Variants in GLT1D1 observed in about 807,000 individuals in gnomAD.
GLT1D1 encodes the protein glycosyltransferase 1 domain containing 1, also known as glycosyltransferase 1 domain-containing protein 1.
Under a neutral mutation model 28.7 loss-of-function variants are expected in GLT1D1, and 21 were observed. That is an observed-to-expected ratio of 0.73 (90% CI 0.52 to 1.05). The LOEUF is 1.05. GLT1D1 is among the 50% of genes least tolerant of loss of function. GLT1D1 has a pLI of 0.00. For synonymous variants in GLT1D1, 147 were observed against 124.8 expected (o/e 1.18, Z -1.19); for missense variants, 343 against 330.6 (o/e 1.04, Z -0.29).
intron 6 of GLT1D1, among the ~76,000 whole-genome samples, chr12:128,954,288 A>ATTT (rs34911662): frequency 0.24 from 32,621 of 138,664 alleles, 4,748 homozygotes; most frequent in Non-Finnish European, 0.34. Context: ...CACCCGGCTA[A>ATTT]TTTTTTTTTT....
intron 3 of GLT1D1, among the ~76,000 whole-genome samples, chr12:128,892,612 G>A (rs1383269144): frequency 6.6e-6 from 1 of 152,174 alleles, no homozygotes; most frequent in East Asian, 1.9e-4. Flanking sequence ...CAGGAAAGCT[G>A]CATGGATCAG....
At chr12:128,876,110 C>A in intron 2 of GLT1D1, 48 bp downstream of exon 2, 1 of 1,542,906 alleles carries the variant, frequency 6.5e-7, no homozygotes, top group Non-Finnish European at 8.8e-7. Context: ...TTCTGAAAAC[C>A]GGAAGTGCCT....
At chr12:128,915,101 G>C (rs1013140668) in intron 4 of GLT1D1, 112 bp downstream of exon 6, 4 of 802,752 alleles carry the variant, frequency 5.0e-6, no homozygotes, top group Non-Finnish European at 8.0e-6. Flanking sequence ...GAGAGAACAA[G>C]GTTCATTTCC....
Position 128,888,656 on chromosome 12 carries a change from G to A in GLT1D1, c.235G>A (p.Gly79Arg). 6.2e-7 allele frequency: 1 copy of A among 1,612,786 alleles called. No homozygotes were observed. Among genetic ancestry groups the A allele is most frequent in the Non-Finnish European group, 8.5e-7 (1 of 1,178,952 alleles). ...TTTTGCAGGCCACCGAATCCCTTTT[G>A]GAGTCATCTTTGGTGGAACTGATGT... is the stretch of plus-strand genomic sequence containing the variant. The change falls in exon 3 of 8, where the codon GGA becomes AGA. Residue 79 changes from glycine to arginine, a missense_variant. Coordinates refer to ENST00000281703, the MANE Select transcript of GLT1D1 (RefSeq NM_144669.3).
chr12:128,886,538 G>C (rs753271764), intron 2 of GLT1D1, among the ~76,000 whole-genome samples: 7 of 152,120 alleles, frequency 4.6e-5, no homozygotes, highest in Non-Finnish European at 1.0e-4. Context: ...GAGGCTCTTG[G>C]GGAGAATCTG....
intron 7 of GLT1D1, among the ~76,000 whole-genome samples, chr12:128,975,789 C>T (rs919642827): frequency 2.0e-5 from 3 of 152,130 alleles, no homozygotes; most frequent in African/African-American, 7.2e-5. Flanking sequence ...TTAAAGTGAG[C>T]CCCTAACTGT....
intron 4 of GLT1D1, 35 bp downstream of exon 7, chr12:128,926,489 A>T: frequency 8.6e-7 from 1 of 1,156,366 alleles, no homozygotes; most frequent in Non-Finnish European, 1.2e-6. Flanking sequence ...CACTGTTTAT[A>T]GAATTCCTTG....
intron 3 of GLT1D1, 100 bp from the exon 4 acceptor site, chr12:128,899,136 T>C: frequency 1.2e-6 from 1 of 812,140 alleles, no homozygotes; most frequent in South Asian, 1.5e-5. Context: ...AAATTTAGTG[T>C]CTCACGTTGT....
intron 4 of GLT1D1, among the ~76,000 whole-genome samples, chr12:128,919,991 C>A (rs1341129030): frequency 7.9e-4 from 7 of 8,858 alleles, no homozygotes; most frequent in African/African-American, 1.2e-3. Flanking sequence ...CTCTCTCTCT[C>A]CCCCTCCATC....
chr12:128,948,927 A>G (rs1008651279), intron 6 of GLT1D1, among the ~76,000 whole-genome samples: 1 of 152,250 alleles, frequency 6.6e-6, no homozygotes, highest in African/African-American at 2.4e-5. Context: ...GTCCGTGCCC[A>G]TGAATCTGCT....
At chr12:128,918,594 C>T (rs1025418620) in intron 4 of GLT1D1, among the ~76,000 whole-genome samples, 1 of 152,288 alleles carries the variant, frequency 6.6e-6, no homozygotes, top group African/African-American at 2.4e-5. Context: ...AAATAATTTT[C>T]GTAGTGTATT....
At chr12:128,905,396 C>T (rs1870748929) in intron 4 of GLT1D1, among the ~76,000 whole-genome samples, 1 of 152,190 alleles carries the variant, frequency 6.6e-6, no homozygotes, top group Non-Finnish European at 1.5e-5. Flanking sequence ...CTGAAACTTA[C>T]TCACACGATA....
chr12:128,937,457 C>T (rs1286934378), intron 4 of GLT1D1, among the ~76,000 whole-genome samples: 2 of 152,086 alleles, frequency 1.3e-5, no homozygotes. Context: ...GAGGTGTTAC[C>T]ATAGCGTGGG....
rs866849578 is a variant in GLT1D1, at chr12:128,931,745, C to T, written c.376-13581C>T. 2.6e-5 allele frequency among the ~76,000 whole-genome samples: 4 copies of T among 152,234 alleles called. No homozygotes were observed. In the East Asian group the frequency reaches 7.7e-4, roughly 29 times the overall value. ...GTTAGGAATCTTGTCCCTGCAGGGC[C>T]GGGAGCTGACTCTGCAGGAGAAGCC... On this transcript the variant is annotated intron_variant, in intron 4 of 7. Transcript: ENST00000281703.
At chr12:128,968,695 C>A (rs986711138) in intron 7 of GLT1D1, among the ~76,000 whole-genome samples, 1 of 152,066 alleles carries the variant, frequency 6.6e-6, no homozygotes, top group Non-Finnish European at 1.5e-5. Context: ...CAGATGTAAA[C>A]CTCACCCGAG....
At chr12:128,957,025 G>A (rs532348883) in intron 6 of GLT1D1, among the ~76,000 whole-genome samples, 2 of 152,368 alleles carry the variant, frequency 1.3e-5, no homozygotes, top group South Asian at 2.1e-4. Context: ...AGGCTGTGGG[G>A]CATCAGGCAC....
chr12:128,976,115 C>T (rs1260392551), intron 7 of GLT1D1, among the ~76,000 whole-genome samples: 3 of 152,228 alleles, frequency 2.0e-5, no homozygotes, highest in African/African-American at 4.8e-5. Flanking sequence ...GCACGTTCCT[C>T]TTCTAGGCAT....
chr12:128,911,318 C>T (rs532063316), intron 4 of GLT1D1, among the ~76,000 whole-genome samples: 150 of 152,318 alleles, frequency 9.8e-4, no homozygotes, highest in African/African-American at 3.6e-3. Context: ...TTGATTGTCT[C>T]GCCCTTGGCA....
rs1355714969 is a variant in GLT1D1, at chr12:128,875,934, G to C, written c.89G>C (p.Gly30Ala). 6.2e-7 allele frequency: 1 copy of C among 1,613,908 alleles called. No homozygotes were observed. Among genetic ancestry groups the C allele is most frequent in the Admixed American group, 1.7e-5 (1 of 59,986 alleles). ...TAAAGGGCCCATCTAGAGGCTGCAG[G>C]GCACGTGTGCGTTTTGAAGGATGCC... Residue 30 changes from glycine (G) to alanine (A), a missense_variant, in exon 2 of 8, where the codon GGG becomes GCG. Transcript: ENST00000281703.
Sources: gnomAD v4.1 joint callset for allele counts (sites outside exome capture counted in the v4.1 genomes callset) on GRCh38, gnomAD v4.1.1 for gene constraint, MANE v1.5 for transcripts, NCBI Gene and HGNC (gene_info 2026-07-23, HGNC 2026-07-21) for gene names.